Variants in PDE4B observed in about 807,000 individuals in gnomAD.
PDE4B encodes the protein 3',5'-cyclic-AMP phosphodiesterase 4B.
A neutral mutation model predicts 82.2 loss-of-function variants in PDE4B; 20 were observed. The ratio of observed to expected loss-of-function variants is 0.24; its 90% CI spans 0.17 to 0.35. The LOEUF (loss-of-function observed/expected upper bound fraction) is 0.35. Ranked by LOEUF, PDE4B falls within the 10% of genes least tolerant of loss-of-function variation. The pLI, the probability that PDE4B is intolerant of heterozygous loss-of-function variation, is 1.00. For missense variants in PDE4B, 655 were observed against 907.2 expected (o/e 0.72, Z 3.57); for synonymous variants, 320 against 318.9 (o/e 1.00, Z -0.04).
At chr1:66,029,839 T>G (rs527929201) in intron 3 of PDE4B, among the ~76,000 whole-genome samples, 1 of 152,162 alleles carries the variant, frequency 6.6e-6, no homozygotes, top group Non-Finnish European at 1.5e-5. Flanking sequence ...ATAACCACTT[T>G]CAAATTTCTC....
At chr1:66,048,523 G>A (rs1269081624) in intron 3 of PDE4B, among the ~76,000 whole-genome samples, 1 of 151,938 alleles carries the variant, frequency 6.6e-6, no homozygotes, top group Non-Finnish European at 1.5e-5. Flanking sequence ...TAACTTTCAT[G>A]CTAAACATGA....
rs139543959 is a variant in PDE4B, at chr1:65,908,979, G to A, written c.-70-4266G>A. ...ATAAAAATAGAGAGGAAGAATAAAA[G>A]AGTAGTACATTCTTTCTTCCCACTC... On this transcript the variant is annotated intron_variant, in intron 1 of 16. Coordinates refer to ENST00000341517, the MANE Select transcript of PDE4B (RefSeq NM_002600.4). Among the ~76,000 whole-genome samples, 1,042 of 152,248 alleles carry A rather than the reference G, an allele frequency of 6.8e-3. 13 individuals are homozygous for A. Among genetic ancestry groups the A allele is most frequent in the African/African-American group, 0.023 (950 of 41,544 alleles).
chr1:65,797,627 G>A (rs1645646518), intron 1 of PDE4B, among the ~76,000 whole-genome samples: 2 of 152,168 alleles, frequency 1.3e-5, no homozygotes, highest in South Asian at 4.1e-4. Context: ...GCCCTGTTGT[G>A]CCTCTAGGTT....
intron 3 of PDE4B, among the ~76,000 whole-genome samples, chr1:66,018,333 C>T (rs1191025430): frequency 1.3e-5 from 2 of 152,002 alleles, no homozygotes; most frequent in East Asian, 1.9e-4. Flanking sequence ...GGTAGGAGAA[C>T]GGCGTGAACC....
At chr1:65,975,870 G>GA (rs1257446540) in intron 3 of PDE4B, among the ~76,000 whole-genome samples, 1 of 152,210 alleles carries the variant, frequency 6.6e-6, no homozygotes, top group Non-Finnish European at 1.5e-5. Context: ...GAGGATGTAT[G>GA]AAAACATCTG....
chr1:66,332,476 G>A lies in PDE4B; in HGVS notation c.635-32G>A, dbSNP rs140445791. On this transcript the variant is annotated intron_variant, in intron 7 of 16. Coordinates refer to ENST00000341517, the MANE Select transcript of PDE4B (RefSeq NM_002600.4). ...CTATGGACAGCCTGCAGCCGCTCCA[G>A]CCTAACTACATGCCTGTGTGTTTGT... 2.5e-4 allele frequency: 399 copies of A among 1,614,168 alleles called. 2 individuals are homozygous for A. The East Asian group carries it at 8.7e-3, about 35-fold the overall frequency.
chr1:65,865,456 C>T (rs1320870933), intron 1 of PDE4B, among the ~76,000 whole-genome samples: 4 of 152,114 alleles, frequency 2.6e-5, no homozygotes, highest in African/African-American at 9.7e-5. Flanking sequence ...GAACAAAACT[C>T]CTGCAGCTAG....
In PDE4B at chr1:66,355,545, C is replaced by T. The variant is rs765651623; in HGVS notation, c.766C>T (p.Arg256Trp). 1.2e-6 allele frequency: 2 copies of T among 1,610,706 alleles called. No homozygotes were observed. Among genetic ancestry groups the T allele is most frequent in the Non-Finnish European group, 1.7e-6 (2 of 1,177,390 alleles). The stretch of plus-strand genomic sequence containing the variant: ...TAAACAGTTCAAAAGAATGCTGAAC[C>T]GGGAGCTGACACACCTCTCAGAGAT... ...ASNKFKRMLN[R>W]ELTHLSEMSR... Residue 256 changes from arginine to tryptophan, a missense_variant, in exon 9 of 17, where the codon CGG (arginine) becomes TGG (tryptophan). Arg to Trp is a moderately radical substitution (Grantham distance 101). Coordinates refer to ENST00000341517, the MANE Select transcript of PDE4B (RefSeq NM_002600.4).
At chr1:65,974,968 TAA>T (rs1650333393) in intron 3 of PDE4B, among the ~76,000 whole-genome samples, 1 of 152,210 alleles carries the variant, frequency 6.6e-6, no homozygotes, top group Non-Finnish European at 1.5e-5. Context: ...GGCACTCTTA[TAA>T]AGACAGCTGA....
At chr1:66,305,354 TG>T (rs1309828197) in intron 7 of PDE4B, among the ~76,000 whole-genome samples, 5 of 152,150 alleles carry the variant, frequency 3.3e-5, no homozygotes, top group African/African-American at 1.2e-4. Context: ...CATAGAGATA[TG>T]AAAAATAGTC....
At chr1:66,134,532 G>A (rs926171528) in intron 3 of PDE4B, among the ~76,000 whole-genome samples, 2 of 152,178 alleles carry the variant, frequency 1.3e-5, no homozygotes, top group African/African-American at 4.8e-5. Flanking sequence ...GGGTACCATT[G>A]TGGCTTGTTG....
chr1:66,313,742 C>T (rs1557695038), intron 7 of PDE4B, among the ~76,000 whole-genome samples: 1 of 152,194 alleles, frequency 6.6e-6, no homozygotes, highest in Non-Finnish European at 1.5e-5. Flanking sequence ...CAAGGAGTTG[C>T]TGAGATAATT....
intron 3 of PDE4B, among the ~76,000 whole-genome samples, chr1:66,130,992 T>C (rs1645930017): frequency 1.3e-5 from 2 of 152,250 alleles, no homozygotes; most frequent in East Asian, 1.9e-4. Context: ...GGGATTAGGA[T>C]GCTGTCTCCA....
At chr1:66,026,924 A>G (rs1001216592) in intron 3 of PDE4B, among the ~76,000 whole-genome samples, 3 of 152,234 alleles carry the variant, frequency 2.0e-5, no homozygotes, top group African/African-American at 7.2e-5. Flanking sequence ...CTATTCTACA[A>G]TACATGGCTC....
At position 66,222,212 on chromosome 1, in the gene PDE4B, G is replaced by A. The variant is rs144858228; in HGVS notation, c.282-25248G>A. Among the ~76,000 whole-genome samples the A allele has an allele frequency of 2.3e-3, 347 of 152,280 alleles. 1 individual carries two copies. The highest frequency in any genetic ancestry group is 7.2e-3 in the African/African-American group (301 of 41,554). The stretch of plus-strand genomic sequence containing the variant: ...GAAAGGCAAATGAGGGTTTTCTCTC[G>A]CTGTACGTGGTCTTCCTAAAACATC... On this transcript the variant is annotated intron_variant, in intron 3 of 16. Transcript: ENST00000341517.
At chr1:66,297,323 A>G (rs1171594110) in intron 7 of PDE4B, among the ~76,000 whole-genome samples, 2 of 152,092 alleles carry the variant, frequency 1.3e-5, no homozygotes, top group African/African-American at 2.4e-5. Context: ...GGTCTTTCCC[A>G]TGTTCAGTAC....
intron 1 of PDE4B, among the ~76,000 whole-genome samples, chr1:65,836,081 A>G (rs1264947975): frequency 6.6e-6 from 1 of 152,088 alleles, no homozygotes; most frequent in East Asian, 1.9e-4. Flanking sequence ...AGCTGGGACT[A>G]CAGGCACACA....
At chr1:65,976,200 C>T (rs1465295669) in intron 3 of PDE4B, among the ~76,000 whole-genome samples, 2 of 152,172 alleles carry the variant, frequency 1.3e-5, no homozygotes, top group Admixed American at 6.5e-5. Context: ...TCAGCATGCC[C>T]TGGATGAGAG....
chr1:66,008,110 G>T (rs769276589), intron 3 of PDE4B, among the ~76,000 whole-genome samples: 3 of 152,076 alleles, frequency 2.0e-5, no homozygotes, highest in African/African-American at 7.2e-5. Flanking sequence ...AAATTCATTT[G>T]CTCTTACACA....
Sources: gnomAD v4.1 joint callset for allele counts (sites outside exome capture counted in the v4.1 genomes callset) on GRCh38, gnomAD v4.1.1 for gene constraint, MANE v1.5 for transcripts, NCBI Gene and HGNC (gene_info 2026-07-23, HGNC 2026-07-21) for gene names.